FRAS1: variants seen among roughly 807,000 people sequenced by gnomAD.
FRAS1 encodes extracellular matrix organizing protein FRAS1.
Under a neutral mutation model 435.2 loss-of-function variants are expected in FRAS1, and 290 were observed. That is an observed-to-expected ratio of 0.67 (90% CI 0.61 to 0.73). FRAS1 has a LOEUF of 0.73. FRAS1 is among the 30% of genes least tolerant of loss of function. The pLI is 0.00. For missense variants in FRAS1, 4,860 were observed against 5,001.5 expected, an observed-to-expected ratio of 0.97 and a Z score of 0.85; for synonymous variants, 1,800 against 1,851.0, an observed-to-expected ratio of 0.97 and a Z score of 0.71.
chr4:78,149,968 C>T (rs928627279), intron 2 of FRAS1, among the ~76,000 whole-genome samples: 5 of 152,138 alleles, frequency 3.3e-5, no homozygotes, highest in Non-Finnish European at 7.4e-5. Context: ...GGCAGTGGAG[C>T]GTGGACAAGT....
At chr4:78,089,366 A>G (rs7695768) in intron 2 of FRAS1, among the ~76,000 whole-genome samples, 100,130 of 149,922 alleles carry the variant, frequency 0.67, 34,857 homozygotes, top group East Asian at 0.88. Context: ...CCAACATAGC[A>G]CGTGTATACA....
At chr4:78,220,041 G>A (rs755566924) in intron 2 of FRAS1, among the ~76,000 whole-genome samples, 1 of 152,188 alleles carries the variant, frequency 6.6e-6, no homozygotes, top group Admixed American at 6.5e-5. Flanking sequence ...GAGTCAGAGG[G>A]CAGTAGTGAT....
chr4:78,289,968 A>C lies in FRAS1; in HGVS notation c.1534+3429A>C, dbSNP rs1236973800. 5.3e-5 allele frequency among the ~76,000 whole-genome samples: 8 copies of C among 152,148 alleles called. 1 individual carries two copies. The highest frequency in any genetic ancestry group is 4.1e-4 in the South Asian group (2 of 4,822). ...TTAAAAACTCAGGTATTAAATCTAA[A>C]CTGGATCCAGGTGGAACTCGCCAGG... On this transcript the variant is annotated intron_variant, in intron 14 of 73. Transcript: ENST00000512123.
chr4:78,416,686 C>T (rs1437435250), intron 32 of FRAS1, among the ~76,000 whole-genome samples: 6 of 152,092 alleles, frequency 3.9e-5, no homozygotes, highest in Non-Finnish European at 7.4e-5. Flanking sequence ...GGGCAGGTCA[C>T]GCAGCATTTC....
chr4:78,342,105 C>G (rs1730417974), intron 20 of FRAS1, among the ~76,000 whole-genome samples: 1 of 152,172 alleles, frequency 6.6e-6, no homozygotes. Flanking sequence ...ATGTAATATC[C>G]TCTCCGTGTC....
intron 4 of FRAS1, among the ~76,000 whole-genome samples, chr4:78,246,334 G>T (rs1286039768): frequency 6.6e-6 from 1 of 152,178 alleles, no homozygotes; most frequent in Non-Finnish European, 1.5e-5. Flanking sequence ...CTGCTATTCA[G>T]TGTGGGGACC....
chr4:78,516,155 G>A lies in FRAS1; in HGVS notation c.10389+142G>A, dbSNP rs746159942. 32 of 636,686 alleles carry A rather than the reference G, an allele frequency of 5.0e-5. No individual in the cohort carries two copies. The Admixed American group carries it at 7.8e-4, about 16-fold the overall frequency. 39.4% of individuals were successfully genotyped at this position (636,686 alleles called of 1,614,324 possible). ...GGAGTCTTCTTTATAAGTCCCTCAA[G>A]CAAGATCTTGGCAGCACTGAAGCTA... On this transcript the variant is annotated intron_variant, in intron 66 of 73. Coordinates refer to ENST00000512123, the MANE Select transcript of FRAS1 (RefSeq NM_025074.7).
intron 49 of FRAS1, 111 bp downstream of exon 49, chr4:78,464,694 T>G: frequency 8.7e-7 from 1 of 1,153,864 alleles, no homozygotes; most frequent in Non-Finnish European, 1.2e-6. Flanking sequence ...GTAAGGTGAG[T>G]GCAAGCATCC....
intron 29 of FRAS1, among the ~76,000 whole-genome samples, chr4:78,390,095 A>G (rs902471606): frequency 3.9e-5 from 6 of 152,200 alleles, no homozygotes; most frequent in Non-Finnish European, 8.8e-5. Context: ...ATCTGACTGC[A>G]ATACTGGCAA....
At chr4:78,169,000 A>G (rs1449050008) in intron 2 of FRAS1, among the ~76,000 whole-genome samples, 1 of 152,104 alleles carries the variant, frequency 6.6e-6, no homozygotes, top group Non-Finnish European at 1.5e-5. Flanking sequence ...CTTCACTGGG[A>G]AATTTAGGTG....
intron 31 of FRAS1, 70 bp from the exon 32 acceptor site, chr4:78,412,899 A>G (rs1429458771): frequency 3.4e-6 from 3 of 870,288 alleles, no homozygotes; most frequent in South Asian, 4.0e-5. Context: ...TAAAAGAGGG[A>G]AAAACCCACG....
At chr4:78,417,946 G>T (rs112513067) in intron 32 of FRAS1, among the ~76,000 whole-genome samples, 3,008 of 152,266 alleles carry the variant, frequency 0.02, 103 homozygotes, top group African/African-American at 0.068. Flanking sequence ...CCCAGGCGAG[G>T]GGCCCCAGCT....
chr4:78,393,642 A>G (rs1732539116), intron 29 of FRAS1, among the ~76,000 whole-genome samples: 1 of 152,082 alleles, frequency 6.6e-6, no homozygotes, highest in Non-Finnish European at 1.5e-5. Flanking sequence ...ATAATATTCC[A>G]CTATATGTTC....
chr4:78,315,023 C>CA (rs1441944768), intron 15 of FRAS1, among the ~76,000 whole-genome samples: 4 of 152,194 alleles, frequency 2.6e-5, no homozygotes, highest in Non-Finnish European at 5.9e-5. Context: ...AACCCCGGCA[C>CA]AAGACCTGAC....
intron 2 of FRAS1, among the ~76,000 whole-genome samples, chr4:78,134,603 C>T (rs1031148359): frequency 4.6e-5 from 7 of 152,060 alleles, no homozygotes; most frequent in Admixed American, 1.3e-4. Context: ...GATAGATAAC[C>T]CAAAAAGTGT....
chr4:78,332,026 C>T (rs1390849640), intron 18 of FRAS1, among the ~76,000 whole-genome samples: 9 of 152,102 alleles, frequency 5.9e-5, no homozygotes, highest in Non-Finnish European at 1.3e-4. Context: ...TTTATTCTAA[C>T]GTCAGTAGAA....
intron 2 of FRAS1, among the ~76,000 whole-genome samples, chr4:78,074,972 C>A (rs1466348401): frequency 6.6e-6 from 1 of 152,128 alleles, no homozygotes. Context: ...AGGCAGCTTT[C>A]CCATGCAGAA....
intron 69 of FRAS1, among the ~76,000 whole-genome samples, chr4:78,523,645 T>A (rs577828358): frequency 2.7e-4 from 41 of 152,314 alleles, no homozygotes; most frequent in East Asian, 7.7e-4. Context: ...TCAAAAAAAA[T>A]TTTTTCTTAA....
At chr4:78,292,457 G>A (rs571823787) in intron 14 of FRAS1, among the ~76,000 whole-genome samples, 4 of 152,190 alleles carry the variant, frequency 2.6e-5, no homozygotes, top group African/African-American at 9.6e-5. Context: ...TAAAAGCTGT[G>A]GCCTGAGCAG....
Sources: allele counts gnomAD v4.1 joint callset (sites outside exome capture counted in the v4.1 genomes callset), GRCh38; gene constraint gnomAD v4.1.1; transcripts MANE v1.5; gene names NCBI Gene and HGNC (gene_info 2026-07-23, HGNC 2026-07-21).